EHMT1: variants seen among roughly 807,000 people sequenced by gnomAD.
EHMT1 encodes the protein euchromatic histone lysine methyltransferase 1.
A neutral mutation model predicts 147.2 loss-of-function variants in EHMT1; 15 were observed. The observed-to-expected ratio is 0.10, with a 90% CI of 0.07 to 0.16. The LOEUF (loss-of-function observed/expected upper bound fraction) is 0.16. Among genes scored for constraint, EHMT1 ranks in the 10% least tolerant of loss-of-function variants. The probability of loss-of-function intolerance (pLI) is 1.00; values close to 1 mark genes in which losing one functional copy is unlikely to be tolerated. For synonymous variants in EHMT1, 795 were observed against 709.6 expected, an observed-to-expected ratio of 1.12 and a Z score of -1.91; for missense variants, 1,587 against 1,772.4, an observed-to-expected ratio of 0.90 and a Z score of 1.88.
intron 17 of EHMT1, among the ~76,000 whole-genome samples, chr9:137,800,075 G>A (rs1564787032): frequency 6.6e-6 from 1 of 152,190 alleles, no homozygotes; most frequent in Non-Finnish European, 1.5e-5. Flanking sequence ...ACTGTCCACC[G>A]CAGGGGAGAT....
At chr9:137,754,652 A>G (rs1949236628) in intron 8 of EHMT1, among the ~76,000 whole-genome samples, 1 of 152,042 alleles carries the variant, frequency 6.6e-6, no homozygotes, top group Admixed American at 6.5e-5. Flanking sequence ...AGCTGGGACT[A>G]TAGGCGTGTG....
At chr9:137,817,327 G>C (rs1364216948) in intron 23 of EHMT1, 112 bp from the exon 24 acceptor site, 24 of 1,235,142 alleles carry the variant, frequency 1.9e-5, no homozygotes, top group Non-Finnish European at 2.7e-5. Flanking sequence ...TTCGGATACA[G>C]AACCAGTTTT....
intron 3 of EHMT1, among the ~76,000 whole-genome samples, chr9:137,724,868 G>T (rs1171235353): frequency 1.3e-4 from 19 of 150,558 alleles, no homozygotes; most frequent in African/African-American, 4.5e-4. Flanking sequence ...TGGCATTCGT[G>T]GGGCAGACGT....
At chr9:137,788,575 TA>T (rs757739586) in intron 15 of EHMT1, 15 of 153,184 alleles carry the variant, frequency 9.8e-5, no homozygotes, top group Non-Finnish European at 2.2e-4. Flanking sequence ...CTTGCGGGCT[TA>T]GAGGGCCTCA....
At position 137,619,068 on chromosome 9, in the gene EHMT1, GGGGGGCGGCGC is replaced by G. The variant is rs1048496544; in HGVS notation, c.21+30_21+40del. 159 of 874,624 alleles carry G rather than the reference GGGGGGCGGCGC, an allele frequency of 1.8e-4. 1 individual carries two copies. The highest frequency in any genetic ancestry group is 5.8e-4 in the Middle Eastern group (1 of 1,738). The allele number at this position is 874,624 out of a possible 1,614,324, so 54.2% of individuals were successfully genotyped here. A position where few individuals can be genotyped will look rare whatever the true frequency, so the allele number is the denominator to read the frequency against. ...TGCCGAGGTGAGCAGCGGGGCCGGC[GGGGGGCGGCGC>G]GGGGGCGGCGGGCAGCGGCGGAGGC... On this transcript the variant is annotated intron_variant, in intron 1 of 26. Coordinates refer to ENST00000460843, the MANE Select transcript of EHMT1 (RefSeq NM_024757.5).
chr9:137,813,218 C>T lies in EHMT1; in HGVS notation c.3035+45C>T. 1.3e-6 allele frequency: 2 copies of T among 1,598,254 alleles called. No individual in the cohort carries two copies. The highest frequency in any genetic ancestry group is 1.7e-6 in the Non-Finnish European group (2 of 1,177,726). ...GGCTTTGTGGCAAATCAGCGGTCAG[C>T]AGGGCTTTGGGAACTTGCGGTGAAA... is the stretch of plus-strand genomic sequence containing the variant. On this transcript the variant is annotated intron_variant, in intron 20 of 26. Transcript: ENST00000460843. The surrounding 1 kb of genome is among the most constrained non-coding windows in gnomAD (Gnocchi z 4.9).
intron 1 of EHMT1, among the ~76,000 whole-genome samples, chr9:137,622,939 G>C (rs566304248): frequency 6.6e-6 from 1 of 150,694 alleles, no homozygotes; most frequent in Non-Finnish European, 1.5e-5. Flanking sequence ...AGCCAGGCGC[G>C]GTGTCTCACA....
At chr9:137,642,912 C>T (rs889608318) in intron 1 of EHMT1, among the ~76,000 whole-genome samples, 5 of 151,998 alleles carry the variant, frequency 3.3e-5, no homozygotes, top group Admixed American at 2.0e-4. Context: ...GACAGGGTCT[C>T]GCTCTGTCAC....
At chr9:137,715,786 T>A (rs1945158543) in intron 2 of EHMT1, 9 of 985,252 alleles carry the variant, frequency 9.1e-6, no homozygotes, top group Non-Finnish European at 9.6e-6. Flanking sequence ...TCTGACCCAT[T>A]TTCTCTGTTA....
intron 6 of EHMT1, chr9:137,746,791 A>G (rs564126765): frequency 6.6e-6 from 1 of 152,332 alleles, no homozygotes; most frequent in South Asian, 2.1e-4. Context: ...CACGTTTATC[A>G]TGTACCATAT....
At chr9:137,690,608 C>T (rs1249108464) in intron 1 of EHMT1, among the ~76,000 whole-genome samples, 2 of 151,684 alleles carry the variant, frequency 1.3e-5, no homozygotes, top group Non-Finnish European at 2.9e-5. Context: ...CTTGCTGTGT[C>T]GCCCAGGCTG....
intron 1 of EHMT1, among the ~76,000 whole-genome samples, chr9:137,621,910 A>T (rs1164815312): frequency 3.4e-5 from 5 of 146,358 alleles, no homozygotes; most frequent in African/African-American, 9.9e-5. Context: ...TAAAACCCTT[A>T]AAAAAAAAAG....
At chr9:137,678,938 T>G (rs1941667524) in intron 1 of EHMT1, among the ~76,000 whole-genome samples, 1 of 151,978 alleles carries the variant, frequency 6.6e-6, no homozygotes, top group Admixed American at 6.6e-5. Context: ...GAGAATTTGT[T>G]TATTTATCTT....
Position 137,762,753 on chromosome 9 carries a change from C to G in EHMT1, c.1580C>G (p.Pro527Arg). 1 of 1,614,192 alleles carries G rather than the reference C, an allele frequency of 6.2e-7. No individual in the cohort carries two copies. The highest frequency in any genetic ancestry group is 8.5e-7 in the Non-Finnish European group (1 of 1,180,044). The change falls in exon 10 of 27, where the codon CCG becomes CGG. Residue 527 changes from proline to arginine, a missense_variant. Transcript: ENST00000460843. Reference protein sequence around the residue: ...VPLCSCRMETPKSREITTLAN... With the variant: ...VPLCSCRMETRKSREITTLAN... ...CTCTGCAGCTGCCGGATGGAAACAC[C>G]GAAGAGTCGAGAGATCACCACACTG...
intron 1 of EHMT1, among the ~76,000 whole-genome samples, chr9:137,622,512 TC>T (rs1407353912): frequency 6.6e-6 from 1 of 152,214 alleles, no homozygotes; most frequent in Non-Finnish European, 1.5e-5. Context: ...TATTGTCATG[TC>T]TTTATTCACC....
chr9:137,834,202 G>A, intron 25 of EHMT1, 147 bp from the exon 26 acceptor site: 10 of 1,074,002 alleles, frequency 9.3e-6, no homozygotes, highest in Non-Finnish European at 1.3e-5. Flanking sequence ...CCGCACCGCC[G>A]CCACAGGTCA....
Position 137,787,941 on chromosome 9 carries a change from A to AG in EHMT1, c.2383-2904dup. ...GTAGGAGGTGGGCAGCTGCCCCCAGAGGGAGGCCCTGTGTCCCCCACTGGA... is the reference window on the plus strand; with the variant it reads ...GTAGGAGGTGGGCAGCTGCCCCCAGAGGGGAGGCCCTGTGTCCCCCACTGGA... On this transcript the variant is annotated intron_variant, in intron 15 of 26. Coordinates refer to ENST00000460843, the MANE Select transcript of EHMT1 (RefSeq NM_024757.5). This position sits in a 1 kb window ranked among gnomAD's most constrained non-coding sequence, Gnocchi z 4.2. 1 of 1,507,900 alleles carries AG rather than the reference A, an allele frequency of 6.6e-7. No individual in the cohort carries two copies. Among genetic ancestry groups the AG allele is most frequent in the Non-Finnish European group, 9.2e-7 (1 of 1,088,706 alleles). 93.4% of individuals were successfully genotyped at this position (1,507,900 alleles called of 1,614,324 possible). A position where few individuals can be genotyped will look rare whatever the true frequency, so the allele number is the denominator to read the frequency against.
chr9:137,693,070 A>C (rs1207952698), intron 1 of EHMT1, among the ~76,000 whole-genome samples: 2 of 151,958 alleles, frequency 1.3e-5, no homozygotes, highest in African/African-American at 4.8e-5. Flanking sequence ...CAATAATAAG[A>C]CTTTTTAGAA....
intron 16 of EHMT1, 26 bp downstream of exon 16, chr9:137,790,996 T>A (rs1278648164): frequency 1.8e-5 from 29 of 1,614,056 alleles, no homozygotes; most frequent in Non-Finnish European, 3.4e-6. Flanking sequence ...AGAATCAACG[T>A]CCTAGTGTGT....
Sources: gnomAD v4.1 joint callset for allele counts (sites outside exome capture counted in the v4.1 genomes callset) on GRCh38, gnomAD v4.1.1 for gene constraint, Gnocchi (gnomAD v3.1) non-coding constraint, MANE v1.5 for transcripts, NCBI Gene and HGNC (gene_info 2026-07-23, HGNC 2026-07-21) for gene names.